The following CHRNA7 variants were observed in gnomAD, a reference collection of about 807,000 sequenced individuals.
The protein encoded by CHRNA7 is neuronal acetylcholine receptor subunit alpha-7.
In CHRNA7, 17 loss-of-function variants were observed where a neutral mutation model predicts 48.0. That is an observed-to-expected ratio of 0.35 (90% CI 0.24 to 0.53). The LOEUF (loss-of-function observed/expected upper bound fraction) is 0.53. CHRNA7 is among the 20% of genes least tolerant of loss of function. CHRNA7 has a pLI of 0.92. For synonymous variants in CHRNA7, 75 were observed against 242.3 expected (o/e 0.31, Z 6.41); for missense variants, 155 against 577.7 (o/e 0.27, Z 7.50).
Position 32,030,543 on chromosome 15 carries a change from G to A in CHRNA7, c.-52G>A. ...TCTGTGGCCGCAGGCGCAGGCCCGGGCGACAGCCGAGACGTGGAGCGCGCC... is the reference window on the plus strand; with the variant it reads ...TCTGTGGCCGCAGGCGCAGGCCCGGACGACAGCCGAGACGTGGAGCGCGCC... On this transcript the variant is annotated 5_prime_UTR_variant, in exon 1 of 10. Transcript: ENST00000306901. The A allele has an allele frequency of 1.4e-6, 2 of 1,414,796 alleles. No homozygotes were observed. The highest frequency in any genetic ancestry group is 1.8e-6 in the Non-Finnish European group (2 of 1,089,790). The allele number at this position is 1,414,796 out of a possible 1,614,324, so 87.6% of individuals were successfully genotyped here.
chr15:32,100,077 C>G (rs1482441562), intron 2 of CHRNA7: 1 of 152,226 alleles, frequency 6.6e-6, no homozygotes, highest in Non-Finnish European at 1.5e-5. Context: ...ATGTCCCTGT[C>G]AACTGCTTAC....
chr15:32,151,325 C>A (rs1264421609), intron 4 of CHRNA7, among the ~76,000 whole-genome samples: 1 of 152,144 alleles, frequency 6.6e-6, no homozygotes, highest in East Asian at 1.9e-4. Context: ...CTCTAAATCT[C>A]TTTTATCGAT....
intron 2 of CHRNA7, among the ~76,000 whole-genome samples, chr15:32,064,205 T>C (rs2049925139): frequency 6.6e-6 from 1 of 152,176 alleles, no homozygotes; most frequent in African/African-American, 2.4e-5. Context: ...AGTACTGAAG[T>C]TGTCCTCGTC....
intron 4 of CHRNA7, among the ~76,000 whole-genome samples, chr15:32,127,587 C>T (rs12904458): frequency 0.55 from 83,821 of 151,888 alleles, 23,450 homozygotes; most frequent in East Asian, 0.7. Flanking sequence ...GGTTCGTCAC[C>T]TGTATATCCT....
At chr15:32,131,867 C>T (rs1188514172) in intron 4 of CHRNA7, among the ~76,000 whole-genome samples, 1 of 152,156 alleles carries the variant, frequency 6.6e-6, no homozygotes, top group Admixed American at 6.5e-5. Context: ...CCCCTGCTGT[C>T]GTGTGGTTCA....
At position 32,169,045 on chromosome 15, in the gene CHRNA7, AAAAGAC is replaced by A. The variant is rs2052334379; in HGVS notation, c.*589_*594del. On this transcript the variant is annotated 3_prime_UTR_variant, in exon 10 of 10. Transcript: ENST00000306901. ...CTGTTTCTACATTAAAAAAAAAAAA[AAAAGAC>A]AGACTGTTGGTCTTACTAAGGATGT... 1 of 147,494 alleles carries A rather than the reference AAAAGAC, an allele frequency of 6.8e-6. No individual in the cohort carries two copies. Among genetic ancestry groups the A allele is most frequent in the Non-Finnish European group, 1.5e-5 (1 of 66,480 alleles). The allele number at this position is 147,494 out of a possible 1,614,324, so 9.1% of individuals were successfully genotyped here. A position where few individuals can be genotyped will look rare whatever the true frequency, so the allele number is the denominator to read the frequency against.
chr15:32,126,500 T>C (rs898608319), intron 4 of CHRNA7, among the ~76,000 whole-genome samples: 1 of 152,218 alleles, frequency 6.6e-6, no homozygotes, highest in Non-Finnish European at 1.5e-5. Flanking sequence ...AAGAACAAGA[T>C]GGGTAGCCAC....
At chr15:32,120,861 G>C (rs890141602) in intron 4 of CHRNA7, among the ~76,000 whole-genome samples, 1 of 152,182 alleles carries the variant, frequency 6.6e-6, no homozygotes, top group Non-Finnish European at 1.5e-5. Flanking sequence ...TAAGGGCTGT[G>C]TGATAAATAC....
intron 4 of CHRNA7, among the ~76,000 whole-genome samples, chr15:32,139,673 T>C (rs2051341920): frequency 6.6e-6 from 1 of 152,124 alleles, no homozygotes; most frequent in African/African-American, 2.4e-5. Context: ...TGCTCAGGTG[T>C]CTGTTAAGGT....
chr15:32,165,434 GAAGAT>G (rs1242586637), intron 9 of CHRNA7, among the ~76,000 whole-genome samples: 3 of 123,052 alleles, frequency 2.4e-5, no homozygotes, highest in African/African-American at 9.9e-5. Context: ...TGACTGATGA[GAAGAT>G]AAGAGAATTA....
At chr15:32,047,336 T>C (rs914440656) in intron 2 of CHRNA7, among the ~76,000 whole-genome samples, 3 of 150,646 alleles carry the variant, frequency 2.0e-5, no homozygotes, top group African/African-American at 7.4e-5. Flanking sequence ...TTGTATCCTC[T>C]TTTATTTCAT....
chr15:32,121,174 T>C (rs1012949463), intron 4 of CHRNA7, among the ~76,000 whole-genome samples: 1 of 152,162 alleles, frequency 6.6e-6, no homozygotes, highest in Non-Finnish European at 1.5e-5. Flanking sequence ...TATCAAAACC[T>C]GGAGAAACAG....
intron 2 of CHRNA7, among the ~76,000 whole-genome samples, chr15:32,086,354 C>T (rs1342344536): frequency 8.1e-5 from 9 of 111,342 alleles, no homozygotes; most frequent in East Asian, 2.5e-4. Context: ...GGTGACAGAG[C>T]GAGACTCCAT....
At chr15:32,050,601 G>C (rs1230855238) in intron 2 of CHRNA7, among the ~76,000 whole-genome samples, 3 of 152,048 alleles carry the variant, frequency 2.0e-5, no homozygotes, top group Non-Finnish European at 2.9e-5. Context: ...ATTTCCTCCT[G>C]TAGCTCGGAG....
chr15:32,115,460 G>C (rs1298001016), intron 4 of CHRNA7, among the ~76,000 whole-genome samples: 2 of 152,102 alleles, frequency 1.3e-5, no homozygotes, highest in Admixed American at 6.5e-5. Flanking sequence ...TGGACACACT[G>C]TGCAGCCCCC....
intron 2 of CHRNA7, among the ~76,000 whole-genome samples, chr15:32,055,904 G>T (rs1039831084): frequency 2.0e-5 from 3 of 151,950 alleles, no homozygotes; most frequent in Non-Finnish European, 2.9e-5. Flanking sequence ...GCGTGAACCC[G>T]GGAGGCGGAG....
chr15:32,032,985 T>C (rs1901916209), intron 2 of CHRNA7, among the ~76,000 whole-genome samples: 1 of 152,234 alleles, frequency 6.6e-6, no homozygotes, highest in South Asian at 2.1e-4. Context: ...AAATAACTTT[T>C]GTCATGTTAG....
chr15:32,078,790 A>T (rs565191077), intron 2 of CHRNA7, among the ~76,000 whole-genome samples: 15 of 152,258 alleles, frequency 9.9e-5, no homozygotes, highest in African/African-American at 3.6e-4. Context: ...ACTCCACCCT[A>T]ACTCATTTCA....
At chr15:32,069,699 AAG>A in intron 2 of CHRNA7, among the ~76,000 whole-genome samples, 1 of 152,300 alleles carries the variant, frequency 6.6e-6, no homozygotes, top group Non-Finnish European at 1.5e-5. Flanking sequence ...GTACTTTAAA[AAG>A]ATAATTTTAT....
Sources: allele counts gnomAD v4.1 joint callset (sites outside exome capture counted in the v4.1 genomes callset), GRCh38; gene constraint gnomAD v4.1.1; transcripts MANE v1.5; gene names NCBI Gene and HGNC (gene_info 2026-07-23, HGNC 2026-07-21).